Variants in ZNF83 observed in about 807,000 individuals in gnomAD.
ZNF83 encodes zinc finger protein 83.
For synonymous variants in ZNF83, 209 were observed against 213.0 expected, an observed-to-expected ratio of 0.98 and a Z score of 0.17; for missense variants, 552 against 629.9, an observed-to-expected ratio of 0.88 and a Z score of 1.32.
chr19:52,678,131 G>T (rs1171101020), intron 1 of ZNF83, among the ~76,000 whole-genome samples: 1 of 151,892 alleles, frequency 6.6e-6, no homozygotes, highest in Non-Finnish European at 1.5e-5. Context: ...AAACAATAAT[G>T]CGCTAACTAA....
In ZNF83 at chr19:52,659,613, C is replaced by CAAA. The variant is rs67918270; in HGVS notation, c.-201+1146_-201+1148dup. Among the ~76,000 whole-genome samples, 235 of 114,276 alleles carry CAAA rather than the reference C, an allele frequency of 2.1e-3. 6 individuals carry two copies. The highest frequency in any genetic ancestry group is 6.9e-3 in the African/African-American group (214 of 30,970). 75.0% of individuals were successfully genotyped at this position (114,276 alleles called of 152,430 possible). On this transcript the variant is annotated intron_variant, in intron 2 of 5. Coordinates refer to the ZNF83 transcript ENST00000594682. ...ACCTCAACAGAGCAAGACTCCAACTCAAAAAAAAAAAAAAGAGTACCAGAA... is the reference window on the plus strand; with the variant it reads ...ACCTCAACAGAGCAAGACTCCAACTCAAAAAAAAAAAAAAAAAGAGTACCAGAA...
chr19:52,614,043 C>A, exon 3 of ZNF83: 1 of 1,613,190 alleles, frequency 6.2e-7, no homozygotes, highest in Non-Finnish European at 8.5e-7. Context: ...TATATGGTTT[C>A]TCTCCAGTAT....
chr19:52,633,235 C>T (rs1042951131), intron 2 of ZNF83, among the ~76,000 whole-genome samples: 1 of 151,930 alleles, frequency 6.6e-6, no homozygotes, highest in African/African-American at 2.4e-5. Flanking sequence ...AGAACAACCC[C>T]CCTTTTTCCT....
At chr19:52,623,778 C>T (rs56295414) in intron 2 of ZNF83, among the ~76,000 whole-genome samples, 2,031 of 152,258 alleles carry the variant, frequency 0.013, 36 homozygotes, top group African/African-American at 0.038. Context: ...TCGCCTGCTA[C>T]AGCATGAGCT....
intron 3 of ZNF83, among the ~76,000 whole-genome samples, chr19:52,646,566 G>A (rs1568561254): frequency 6.6e-6 from 1 of 152,028 alleles, no homozygotes; most frequent in Non-Finnish European, 1.5e-5. Context: ...TAATTAATTA[G>A]TTAATTAAAT....
chr19:52,626,782 C>T (rs1271164237), intron 2 of ZNF83, among the ~76,000 whole-genome samples: 3 of 152,154 alleles, frequency 2.0e-5, no homozygotes, highest in Non-Finnish European at 4.4e-5. Flanking sequence ...TCACTCGAAG[C>T]AACCCTGAGA....
intron 2 of ZNF83, among the ~76,000 whole-genome samples, chr19:52,627,344 G>A (rs1028196946): frequency 6.7e-6 from 1 of 150,156 alleles, no homozygotes; most frequent in Admixed American, 6.7e-5. Context: ...TGGAGGGTGG[G>A]AGGAAGGAGA....
At position 52,623,691 on chromosome 19, in the gene ZNF83, C is replaced by CCTAATCACCCTTACCCTG; in HGVS notation, c.-233-8912_-233-8895dup. On this transcript the variant is annotated intron_variant, in intron 2 of 2. Coordinates refer to ENST00000301096, the Ensembl canonical transcript of ZNF83. Reference sequence around the variant, plus strand: ...CCTGGCAACTGATCACACACCCATACCTAATCACCCTTACCCTGCTCAACA... The same window carrying CCTAATCACCCTTACCCTG: ...CCTGGCAACTGATCACACACCCATACCTAATCACCCTTACCCTGCTAATCACCCTTACCCTGCTCAACA... Among the ~76,000 whole-genome samples, 3 of 152,104 alleles carry CCTAATCACCCTTACCCTG rather than the reference C, an allele frequency of 2.0e-5. No individual in the cohort carries two copies. In the South Asian group the frequency reaches 6.2e-4, roughly 32 times the overall value.
chr19:52,635,519 A>C (rs1213889583), intron 1 of ZNF83: 1 of 157,614 alleles, frequency 6.3e-6, no homozygotes, highest in Non-Finnish European at 1.4e-5. Context: ...CAGGGGTTTG[A>C]GATCAGCCTG....
chr19:52,651,368 C>A (rs1600229364), intron 3 of ZNF83: 1 of 152,328 alleles, frequency 6.6e-6, no homozygotes, highest in South Asian at 2.1e-4. Flanking sequence ...TTTACAGATT[C>A]TCCTAACTTG....
chr19:52,614,574 A>C, exon 3 of ZNF83: 1 of 1,567,408 alleles, frequency 6.4e-7, no homozygotes. Context: ...TGTCTCTTCT[A>C]CCAATGAGAC....
chr19:52,645,103 G>A (rs1470081468), intron 3 of ZNF83, among the ~76,000 whole-genome samples: 2 of 151,796 alleles, frequency 1.3e-5, no homozygotes, highest in African/African-American at 2.4e-5. Flanking sequence ...ATGGACCAGA[G>A]GGCCTGAGGG....
At chr19:52,653,955 G>T in intron 3 of ZNF83, 1 of 1,248,644 alleles carries the variant, frequency 8.0e-7, no homozygotes, top group Non-Finnish European at 1.2e-6. Flanking sequence ...ATGAAGAATG[G>T]AGAAAGTTCT....
chr19:52,688,818 A>G (rs2062092232), intron 1 of ZNF83, among the ~76,000 whole-genome samples: 1 of 152,184 alleles, frequency 6.6e-6, no homozygotes, highest in Admixed American at 6.6e-5. Context: ...GTTTAAAAAT[A>G]AAAAGAAAAG....
At chr19:52,647,684 A>T (rs1414395014) in intron 3 of ZNF83, among the ~76,000 whole-genome samples, 1 of 147,998 alleles carries the variant, frequency 6.8e-6, no homozygotes, top group Non-Finnish European at 1.5e-5. Context: ...GGGATTCTGC[A>T]CCTCATTCTG....
chr19:52,687,633 GTA>G (rs35612737), intron 1 of ZNF83, among the ~76,000 whole-genome samples: 931 of 27,818 alleles, frequency 0.033, 172 homozygotes, highest in South Asian at 0.077. Context: ...TATATATAAT[GTA>G]TATATATATA....
At chr19:52,613,118 T>C (rs1321991720) in exon 3 of ZNF83, 11 of 1,613,984 alleles carry the variant, frequency 6.8e-6, no homozygotes, top group African/African-American at 1.3e-5. Flanking sequence ...TTGAAATGTT[T>C]CTCTCCAGTG....
chr19:52,631,415 G>C (rs962844184), intron 2 of ZNF83, among the ~76,000 whole-genome samples: 20 of 152,186 alleles, frequency 1.3e-4, no homozygotes, highest in African/African-American at 3.9e-4. Flanking sequence ...CATGATGTCT[G>C]CGTGCAGCAG....
At position 52,624,418 on chromosome 19, in the gene ZNF83, C is replaced by A. The variant is rs1252672266; in HGVS notation, c.-233-9621G>T. Among the ~76,000 whole-genome samples the A allele has an allele frequency of 3.9e-5, 6 of 152,206 alleles. No homozygotes were observed. In the East Asian group the frequency reaches 1.2e-3, roughly 29 times the overall value. ...CCCAACCCCTTCTATAAAACAACAA[C>A]TCCTTTCCTTCCTGGGCATGGTTGG... On this transcript the variant is annotated intron_variant, in intron 2 of 2. Coordinates refer to ENST00000301096, the Ensembl canonical transcript of ZNF83.
Sources: gnomAD v4.1 joint callset for allele counts (sites outside exome capture counted in the v4.1 genomes callset) on GRCh38, gnomAD v4.1.1 for gene constraint, MANE v1.5 for transcripts, NCBI Gene and HGNC (gene_info 2026-07-23, HGNC 2026-07-21) for gene names.